Variants in ZFHX3 observed in about 807,000 individuals in gnomAD.
ZFHX3 encodes zinc finger homeobox protein 3.
In ZFHX3, 42 loss-of-function variants were observed where a neutral mutation model predicts 279.1. The observed-to-expected ratio is 0.15, with a 90% CI of 0.12 to 0.19. The LOEUF (loss-of-function observed/expected upper bound fraction) is 0.19. Ranked by LOEUF, ZFHX3 falls within the 10% of genes least tolerant of loss-of-function variation. The pLI, the probability that ZFHX3 is intolerant of heterozygous loss-of-function variation, is 1.00. For missense variants in ZFHX3, 4,981 were observed against 4,754.0 expected (o/e 1.05, Z -1.40); for synonymous variants, 2,293 against 1,957.8 (o/e 1.17, Z -4.52).
At chr16:73,374,034 G>A (rs993033359) in intron 3 of ZFHX3, among the ~76,000 whole-genome samples, 1 of 152,206 alleles carries the variant, frequency 6.6e-6, no homozygotes, top group Admixed American at 6.5e-5. Flanking sequence ...GGGGTAAACT[G>A]GGATGCGGCA....
chr16:73,227,266 TG>T (rs1261509547), intron 5 of ZFHX3, among the ~76,000 whole-genome samples: 8 of 152,210 alleles, frequency 5.3e-5, no homozygotes, highest in African/African-American at 1.9e-4. Flanking sequence ...ATAAGATTTT[TG>T]CAGGATTGTT....
rs1255407346 is a variant in ZFHX3 at position 73,717,725 on chromosome 16, G to A, written c.-1607-37485C>T. ...ACGCAGCCTTGTTTGAGGCTTAGAA[G>A]ACTTAATCCAAGAATTGGCTCTAGA... On this transcript the variant is annotated intron_variant, in intron 1 of 17. Coordinates refer to the ZFHX3 transcript ENST00000641206. Among the ~76,000 whole-genome samples, 14 of 152,270 alleles carry A rather than the reference G, an allele frequency of 9.2e-5. No individual in the cohort carries two copies. In the East Asian group the frequency reaches 2.7e-3, roughly 29 times the overall value.
intron 3 of ZFHX3, among the ~76,000 whole-genome samples, chr16:72,910,678 C>G (rs2039294260): frequency 6.6e-6 from 1 of 152,074 alleles, no homozygotes; most frequent in Non-Finnish European, 1.5e-5. Flanking sequence ...GGCTGAGAAG[C>G]CTGCAGGTGG....
chr16:73,065,883 G>T (rs1291800981), intron 8 of ZFHX3, among the ~76,000 whole-genome samples: 1 of 152,216 alleles, frequency 6.6e-6, no homozygotes, highest in Non-Finnish European at 1.5e-5. Flanking sequence ...CCGATTCGTT[G>T]GTTTCCCATT....
intron 1 of ZFHX3, among the ~76,000 whole-genome samples, chr16:73,689,553 C>T (rs765497244): frequency 2.0e-5 from 3 of 152,168 alleles, no homozygotes; most frequent in South Asian, 4.1e-4. Context: ...CCCCTCCCCC[C>T]ACTCATTCCA....
chr16:73,327,623 T>G (rs190178198), intron 3 of ZFHX3, among the ~76,000 whole-genome samples: 1 of 152,336 alleles, frequency 6.6e-6, no homozygotes, highest in Admixed American at 6.5e-5. Flanking sequence ...TTCTGAAAAT[T>G]TGAAAGACAA....
At chr16:73,309,530 G>T (rs949175356) in intron 4 of ZFHX3, among the ~76,000 whole-genome samples, 2 of 152,208 alleles carry the variant, frequency 1.3e-5, no homozygotes, top group East Asian at 3.8e-4. Context: ...CCCATGAGGG[G>T]GTTGTGGGAA....
At chr16:73,131,591 G>C (rs562267781) in intron 6 of ZFHX3, among the ~76,000 whole-genome samples, 2 of 152,336 alleles carry the variant, frequency 1.3e-5, no homozygotes, top group South Asian at 2.1e-4. Flanking sequence ...AGCTGACACA[G>C]TGAGCCTCAC....
At chr16:73,527,850 A>G (rs1191960312) in intron 2 of ZFHX3, among the ~76,000 whole-genome samples, 5 of 152,222 alleles carry the variant, frequency 3.3e-5, no homozygotes, top group African/African-American at 9.6e-5. Flanking sequence ...AATGATGGCC[A>G]CAGCCAACCT....
At chr16:73,224,311 C>T (rs1342610625) in intron 5 of ZFHX3, among the ~76,000 whole-genome samples, 1 of 152,168 alleles carries the variant, frequency 6.6e-6, no homozygotes, top group Non-Finnish European at 1.5e-5. Flanking sequence ...TGTCCTGCTT[C>T]TCAATTTTGC....
intron 1 of ZFHX3, among the ~76,000 whole-genome samples, chr16:73,027,251 T>C (rs1238279220): frequency 6.6e-6 from 1 of 152,176 alleles, no homozygotes; most frequent in Non-Finnish European, 1.5e-5. Flanking sequence ...CAATCCCAGA[T>C]TGCTGGGAGA....
intron 1 of ZFHX3, among the ~76,000 whole-genome samples, chr16:73,009,234 A>G (rs1358280996): frequency 1.3e-5 from 2 of 152,276 alleles, no homozygotes; most frequent in East Asian, 3.9e-4. Context: ...AAGAAAAAAA[A>G]ATGGACTCCA....
intron 1 of ZFHX3, among the ~76,000 whole-genome samples, chr16:73,719,330 G>C (rs7196975): frequency 0.79 from 120,110 of 151,976 alleles, 49,406 homozygotes; most frequent in Middle Eastern, 0.9. Flanking sequence ...CGCTGGCCCA[G>C]TTATTCCTCC....
chr16:72,795,124 G>C lies in ZFHX3; in HGVS notation c.7558C>G (p.Leu2520Val), dbSNP rs375044842. Reference protein sequence around the residue: ...KPLHTSTPQQLANLPPQLIPY... With the variant: ...KPLHTSTPQQVANLPPQLIPY... Reference sequence around the variant, plus strand: ...ATTAGCTGAGGAGGTAGGTTTGCGAGCTGTTGAGGAGTTGATGTGTGGAGG... The same window carrying C: ...ATTAGCTGAGGAGGTAGGTTTGCGACCTGTTGAGGAGTTGATGTGTGGAGG... The change falls in exon 9 of 10, where the codon CTC (leucine) becomes GTC (valine). Residue 2520 changes from leucine to valine, a missense_variant. Leu to Val is a conservative substitution (Grantham distance 32). Transcript: ENST00000268489. 3 of 1,613,918 alleles carry C rather than the reference G, an allele frequency of 1.9e-6. No individual in the cohort carries two copies. Among genetic ancestry groups the C allele is most frequent in the Non-Finnish European group, 2.5e-6 (3 of 1,180,022 alleles).
chr16:72,815,793 T>G (rs1053464229), intron 5 of ZFHX3, among the ~76,000 whole-genome samples: 2 of 152,226 alleles, frequency 1.3e-5, no homozygotes, highest in Non-Finnish European at 2.9e-5. Context: ...GTTTAGACAA[T>G]TGGTGTCTGG....
chr16:73,124,972 T>C (rs1966545218), intron 7 of ZFHX3, among the ~76,000 whole-genome samples: 1 of 152,098 alleles, frequency 6.6e-6, no homozygotes, highest in Non-Finnish European at 1.5e-5. Flanking sequence ...CAAACCCAAC[T>C]GGAAGCCACT....
chr16:73,304,353 G>A (rs1240218032), intron 4 of ZFHX3, among the ~76,000 whole-genome samples: 1 of 152,132 alleles, frequency 6.6e-6, no homozygotes, highest in Non-Finnish European at 1.5e-5. Flanking sequence ...ACTGGCTGGC[G>A]GGGCTTTGCC....
chr16:73,369,773 T>C (rs1414788168), intron 3 of ZFHX3, among the ~76,000 whole-genome samples: 2 of 152,212 alleles, frequency 1.3e-5, no homozygotes, highest in African/African-American at 4.8e-5. Context: ...CTGATTGTGC[T>C]AACAAGCCAA....
chr16:73,187,911 T>A (rs762904293), intron 5 of ZFHX3, among the ~76,000 whole-genome samples: 1 of 152,156 alleles, frequency 6.6e-6, no homozygotes, highest in Non-Finnish European at 1.5e-5. Context: ...CAGGCTGGAG[T>A]GCAATGGCGT....
Sources: allele counts gnomAD v4.1 joint callset (sites outside exome capture counted in the v4.1 genomes callset), GRCh38; gene constraint gnomAD v4.1.1; transcripts MANE v1.5; gene names NCBI Gene and HGNC (gene_info 2026-07-23, HGNC 2026-07-21).